Variants in FRMPD4 observed in about 807,000 individuals in gnomAD.
FRMPD4 encodes FERM and PDZ domain-containing protein 4.
Under a neutral mutation model 94.1 loss-of-function variants are expected in FRMPD4, and 22 were observed. That is an observed-to-expected ratio of 0.23 (90% CI 0.17 to 0.33). FRMPD4 has a LOEUF of 0.33. FRMPD4 is among the 10% of genes least tolerant of loss of function. The probability of loss-of-function intolerance (pLI) is 1.00; values close to 1 mark genes in which losing one functional copy is unlikely to be tolerated. For missense variants in FRMPD4, 1,111 were observed against 1,339.9 expected (o/e 0.83, Z 2.67); for synonymous variants, 631 against 548.6 (o/e 1.15, Z -2.10).
chrX:12,653,450 C>G (rs1476261110), intron 4 of FRMPD4, among the ~76,000 whole-genome samples: 13 of 112,049 alleles, frequency 1.2e-4, no homozygotes, highest in Non-Finnish European at 9.4e-5. Flanking sequence ...TTAGTAATGT[C>G]ACTTTTTTTG....
intron 5 of FRMPD4, among the ~76,000 whole-genome samples, chrX:12,679,337 A>G (rs2059939357): frequency 8.9e-6 from 1 of 111,790 alleles, no homozygotes; most frequent in South Asian, 3.8e-4. Context: ...GTCCTAGAGA[A>G]ACTGCATGCC....
chrX:12,069,401 C>G (rs1010096710), intron 3 of FRMPD4, among the ~76,000 whole-genome samples: 2 of 111,505 alleles, frequency 1.8e-5, no homozygotes, highest in Non-Finnish European at 3.8e-5. Context: ...AGACTATAGG[C>G]AGCAAGGGTG....
At chrX:11,907,902 A>G (rs897559164) in intron 3 of FRMPD4, among the ~76,000 whole-genome samples, 4 of 109,796 alleles carry the variant, frequency 3.6e-5, no homozygotes, top group African/African-American at 1.3e-4. Flanking sequence ...TTACTCCCCA[A>G]GTTTGTGGCT....
intron 1 of FRMPD4, among the ~76,000 whole-genome samples, chrX:12,343,758 A>C (rs2147962388): frequency 8.9e-6 from 1 of 111,805 alleles, no homozygotes; most frequent in Non-Finnish European, 1.9e-5. Flanking sequence ...CACTGATGAC[A>C]CTTATTTATT....
At chrX:11,888,250 C>A (rs781313721) in intron 3 of FRMPD4, among the ~76,000 whole-genome samples, 4 of 111,420 alleles carry the variant, frequency 3.6e-5, no homozygotes, top group African/African-American at 1.3e-4. Flanking sequence ...TGTTTATTTC[C>A]GAAATTCTAC....
intron 3 of FRMPD4, among the ~76,000 whole-genome samples, chrX:12,114,215 C>G (rs1228678723): frequency 9.0e-6 from 1 of 111,122 alleles, no homozygotes; most frequent in African/African-American, 3.3e-5. Flanking sequence ...CTTCTTTTTT[C>G]TCAACTGTCA....
chrX:11,924,600 T>C (rs1182092837), intron 3 of FRMPD4, among the ~76,000 whole-genome samples: 3 of 112,058 alleles, frequency 2.7e-5, no homozygotes, highest in Non-Finnish European at 5.6e-5. Flanking sequence ...TGTGGGCAAA[T>C]GTTCAACATT....
At chrX:12,329,857 CA>C (rs750627076) in intron 1 of FRMPD4, among the ~76,000 whole-genome samples, 18,361 of 55,173 alleles carry the variant, frequency 0.33, 1,841 homozygotes, top group African/African-American at 0.45. Context: ...AGTTTCTAAC[CA>C]AAAAAAAAAA....
intron 3 of FRMPD4, among the ~76,000 whole-genome samples, chrX:12,133,028 A>T (rs1326491823): frequency 1.8e-5 from 2 of 109,591 alleles, no homozygotes; most frequent in Non-Finnish European, 3.8e-5. Flanking sequence ...CAGTTTGATT[A>T]AAAAAAATAC....
intron 3 of FRMPD4, among the ~76,000 whole-genome samples, chrX:11,927,942 G>T (rs924771885): frequency 5.4e-5 from 6 of 112,005 alleles, no homozygotes; most frequent in African/African-American, 1.9e-4. Flanking sequence ...CACAGCAAAA[G>T]AAACTATCAA....
rs2055851587 is a variant in FRMPD4 at position 12,353,861 on chromosome X, T to C, written c.42-144819T>C. Among the ~76,000 whole-genome samples the C allele has an allele frequency of 2.7e-5, 3 of 112,188 alleles. No homozygotes were observed. The South Asian group carries it at 1.1e-3, about 42-fold the overall frequency. ...AATGAGAATAGTGGCCACTATTCAC[T>C]GAGTGCTCATTTTGCCCTAGGTACA... is the stretch of plus-strand genomic sequence containing the variant. On this transcript the variant is annotated intron_variant, in intron 1 of 16. Transcript: ENST00000675598.
intron 2 of FRMPD4, among the ~76,000 whole-genome samples, chrX:12,555,443 CTTT>C (rs55769146): frequency 0.4 from 44,763 of 110,788 alleles, 7,523 homozygotes; most frequent in Non-Finnish European, 0.54. Context: ...AGCTATCACT[CTTT>C]CTTTTACTGT....
At chrX:12,269,352 T>TAAA (rs63071261) in intron 1 of FRMPD4, among the ~76,000 whole-genome samples, 25 of 103,882 alleles carry the variant, frequency 2.4e-4, no homozygotes, top group East Asian at 9.1e-4. Context: ...ATTAATAAAA[T>TAAA]AAAAAAAAAA....
At chrX:12,366,648 C>T (rs1045111645) in intron 1 of FRMPD4, among the ~76,000 whole-genome samples, 1 of 112,305 alleles carries the variant, frequency 8.9e-6, no homozygotes, top group African/African-American at 3.2e-5. Context: ...CAGACTATGC[C>T]AGCTCAGGAA....
In FRMPD4 at chrX:12,582,724, T is replaced by C. The variant is rs897348072; in HGVS notation, c.159-26997T>C. Among the ~76,000 whole-genome samples, 4 of 111,745 alleles carry C rather than the reference T, an allele frequency of 3.6e-5. No individual in the cohort carries two copies. The East Asian group carries it at 8.4e-4, about 23-fold the overall frequency. ...CCTCCTACAGGCTCCTTTCTTTTCA[T>C]TGTAAATTTTTTCCAGCTCTCTGTG... On this transcript the variant is annotated intron_variant, in intron 2 of 16. Transcript: ENST00000675598.
chrX:12,580,130 G>A (rs1174961892), intron 2 of FRMPD4, among the ~76,000 whole-genome samples: 2 of 112,093 alleles, frequency 1.8e-5, no homozygotes, highest in Non-Finnish European at 3.8e-5. Flanking sequence ...GTTGACACTT[G>A]GAAGAAAGGA....
At chrX:12,571,074 C>G (rs1021273875) in intron 2 of FRMPD4, among the ~76,000 whole-genome samples, 2 of 111,916 alleles carry the variant, frequency 1.8e-5, no homozygotes, top group Admixed American at 1.9e-4. Flanking sequence ...TGATCTGCAT[C>G]GAAACCTAAA....
At chrX:12,410,358 T>G (rs1363684322) in intron 1 of FRMPD4, among the ~76,000 whole-genome samples, 1 of 111,636 alleles carries the variant, frequency 9.0e-6, no homozygotes, top group Non-Finnish European at 1.9e-5. Context: ...CATTGTGTGT[T>G]TTTTCTGAGC....
intron 1 of FRMPD4, among the ~76,000 whole-genome samples, chrX:12,370,482 A>G (rs1024220394): frequency 1.8e-5 from 2 of 112,013 alleles, no homozygotes; most frequent in African/African-American, 6.5e-5. Context: ...GGCCTTGACC[A>G]TATGGAGGAG....
Sources: allele counts gnomAD v4.1 joint callset (sites outside exome capture counted in the v4.1 genomes callset), GRCh38; gene constraint gnomAD v4.1.1; transcripts MANE v1.5; gene names NCBI Gene and HGNC (gene_info 2026-07-23, HGNC 2026-07-21).